USH2A: variants seen among roughly 807,000 people sequenced by gnomAD.
USH2A encodes Usher syndrome 2A (autosomal recessive, mild).
USH2A carries 443 observed loss-of-function variants against 538.9 expected under a neutral mutation model. The ratio of observed to expected loss-of-function variants is 0.82; its 90% CI spans 0.76 to 0.89. The LOEUF (loss-of-function observed/expected upper bound fraction) is 0.89, where lower values mean the gene tolerates loss of function less well. Among genes scored for constraint, USH2A ranks in the 40% least tolerant of loss-of-function variants. The pLI, the probability that USH2A is intolerant of heterozygous loss-of-function variation, is 0.00. For synonymous variants in USH2A, 2,413 were observed against 2,273.5 expected (o/e 1.06, Z -1.75); for missense variants, 6,633 against 6,324.8 (o/e 1.05, Z -1.65).
chr1:215,680,326 A>G lies in USH2A; in HGVS notation c.12117T>C (p.Tyr4039=), dbSNP rs1262047443. 2 of 1,613,938 alleles carry G rather than the reference A, an allele frequency of 1.2e-6. No individual in the cohort carries two copies. Among genetic ancestry groups the G allele is most frequent in the Admixed American group, 1.7e-5 (1 of 59,986 alleles). ...GGTTTGCAGCCACAACACCAATGCGATATGTTGTGAATGGTTCTAACCCGT... is the reference window on the plus strand; with the variant it reads ...GGTTTGCAGCCACAACACCAATGCGGTATGTTGTGAATGGTTCTAACCCGT... ...HLYGLEPFTT[Y]RIGVVAANHA... The change falls in exon 62 of 72, where the codon TAT becomes TAC. Residue 4039 remains tyrosine (Y), a synonymous_variant. Coordinates refer to ENST00000307340, the MANE Select transcript of USH2A (RefSeq NM_206933.4).
chr1:216,264,577 C>T (rs760681523), intron 11 of USH2A, among the ~76,000 whole-genome samples: 1 of 152,110 alleles, frequency 6.6e-6, no homozygotes, highest in African/African-American at 2.4e-5. Context: ...GGATTACAGG[C>T]GTGAGCCACC....
chr1:215,985,362 C>T (rs758380653), intron 35 of USH2A, among the ~76,000 whole-genome samples: 4 of 152,126 alleles, frequency 2.6e-5, no homozygotes, highest in Non-Finnish European at 5.9e-5. Flanking sequence ...AGATTAAATT[C>T]TACATTATAA....
At chr1:215,654,852 T>C (rs1354710594) in intron 64 of USH2A, among the ~76,000 whole-genome samples, 2 of 152,202 alleles carry the variant, frequency 1.3e-5, no homozygotes, top group Non-Finnish European at 2.9e-5. Flanking sequence ...AATGAAATTG[T>C]TCTTTTATTT....
intron 48 of USH2A, among the ~76,000 whole-genome samples, chr1:215,815,217 G>A (rs1662825134): frequency 6.6e-6 from 1 of 151,984 alleles, no homozygotes; most frequent in Non-Finnish European, 1.5e-5. Context: ...CTTTGTTTAA[G>A]GCATCATTAA....
chr1:215,933,007 A>C lies in USH2A; in HGVS notation c.7300+1609T>G, dbSNP rs1666402536. On this transcript the variant is annotated intron_variant, in intron 38 of 71. Transcript: ENST00000307340. ...ATTATTAGACCATACATTCCTAAAA[A>C]CATAAACAATGAATTAAATTTGCCC... 2.0e-5 allele frequency among the ~76,000 whole-genome samples: 3 copies of C among 152,106 alleles called. No individual in the cohort carries two copies. In the South Asian group the frequency reaches 6.2e-4, roughly 31 times the overall value.
intron 32 of USH2A, among the ~76,000 whole-genome samples, chr1:216,027,270 G>A (rs532041629): frequency 2.0e-5 from 3 of 152,124 alleles, no homozygotes; most frequent in Admixed American, 6.5e-5. Flanking sequence ...CAGGGTGTGC[G>A]TGTACAAAGA....
At chr1:216,276,213 A>G (rs1041748486) in intron 11 of USH2A, among the ~76,000 whole-genome samples, 2 of 152,188 alleles carry the variant, frequency 1.3e-5, no homozygotes, top group African/African-American at 4.8e-5. Context: ...ATGAACTACA[A>G]TGCTTGGCAT....
Position 215,966,198 on chromosome 1 carries a change from C to A in USH2A, c.6958-719G>T, listed in dbSNP as rs543894050. 1.6e-4 allele frequency among the ~76,000 whole-genome samples: 24 copies of A among 152,130 alleles called. No homozygotes were observed. In the South Asian group the frequency reaches 3.3e-3, roughly 21 times the overall value. On this transcript the variant is annotated intron_variant, in intron 36 of 71. Transcript: ENST00000307340. ...GAAAGACTCTGAAATAAAATGCAAT[C>A]CCTAGCTGTACCGGGGTCAGGAAGA...
At chr1:216,180,448 T>C (rs2034471676) in intron 20 of USH2A, among the ~76,000 whole-genome samples, 1 of 152,140 alleles carries the variant, frequency 6.6e-6, no homozygotes, top group African/African-American at 2.4e-5. Flanking sequence ...GCATTCTTTA[T>C]GCAGCATTTA....
At chr1:216,192,029 A>G (rs1415985892) in intron 19 of USH2A, among the ~76,000 whole-genome samples, 2 of 152,068 alleles carry the variant, frequency 1.3e-5, no homozygotes, top group African/African-American at 4.8e-5. Flanking sequence ...TGTCTTTATC[A>G]TGTACATAGA....
At chr1:215,725,556 T>A (rs992183793) in intron 61 of USH2A, among the ~76,000 whole-genome samples, 1 of 152,204 alleles carries the variant, frequency 6.6e-6, no homozygotes, top group Non-Finnish European at 1.5e-5. Context: ...CCTTTCTTGG[T>A]GTATCTAATG....
At chr1:216,217,606 T>C (rs896941740) in intron 14 of USH2A, 56 bp from the exon 15 acceptor site, 46 of 1,593,260 alleles carry the variant, frequency 2.9e-5, no homozygotes, top group Middle Eastern at 3.3e-4. Flanking sequence ...TAATAATTCA[T>C]AGTATAAGTT....
chr1:215,962,130 A>G (rs1459447449), intron 37 of USH2A, among the ~76,000 whole-genome samples: 1 of 152,064 alleles, frequency 6.6e-6, no homozygotes, highest in East Asian at 1.9e-4. Context: ...CATTTTTAAC[A>G]TATCGAATTG....
chr1:216,227,542 G>A (rs1318865147), intron 14 of USH2A, among the ~76,000 whole-genome samples: 1 of 152,118 alleles, frequency 6.6e-6, no homozygotes, highest in East Asian at 1.9e-4. Context: ...ATCATGGAAT[G>A]GAGGAACAAG....
chr1:216,078,314 C>A lies in USH2A; in HGVS notation c.5347G>T (p.Ala1783Ser). 6.2e-7 allele frequency: 1 copy of A among 1,613,688 alleles called. No individual in the cohort carries two copies. Among genetic ancestry groups the A allele is most frequent in the Non-Finnish European group, 8.5e-7 (1 of 1,179,688 alleles). The stretch of plus-strand genomic sequence containing the variant: ...AGCAATAGATCCACTTGTGTAAAGG[C>A]AAGACTGGTATTTAACCGGAAGGTC... ...ILTFRLNTSL[A>S]FTQVDLLLGL... is the part of the protein sequence containing the mutation. Residue 1783 changes from alanine to serine, a missense_variant, in exon 27 of 72, where the codon GCC (alanine) becomes TCC (serine). Coordinates refer to ENST00000307340, the MANE Select transcript of USH2A (RefSeq NM_206933.4).
intron 30 of USH2A, among the ~76,000 whole-genome samples, chr1:216,055,973 T>G (rs2030962458): frequency 6.6e-6 from 1 of 152,220 alleles, no homozygotes; most frequent in South Asian, 2.1e-4. Flanking sequence ...AGATGTTGAT[T>G]CTTACAAACA....
intron 44 of USH2A, among the ~76,000 whole-genome samples, chr1:215,853,305 G>A (rs528231221): frequency 6.6e-6 from 1 of 152,176 alleles, no homozygotes; most frequent in South Asian, 2.1e-4. Flanking sequence ...CATGGCTGGA[G>A]CCACTGAGAA....
intron 21 of USH2A, chr1:216,174,228 A>G (rs986648936): frequency 8.6e-5 from 85 of 985,160 alleles, no homozygotes; most frequent in East Asian, 1.1e-4. Flanking sequence ...AATATTTTAA[A>G]GACTAGCTAT....
At chr1:216,372,620 C>G (rs2038734614) in intron 3 of USH2A, among the ~76,000 whole-genome samples, 1 of 152,054 alleles carries the variant, frequency 6.6e-6, no homozygotes, top group Admixed American at 6.6e-5. Context: ...ATGGCCTCTT[C>G]TTCCTACACA....
Sources: gnomAD v4.1 joint callset for allele counts (sites outside exome capture counted in the v4.1 genomes callset) on GRCh38, gnomAD v4.1.1 for gene constraint, MANE v1.5 for transcripts, NCBI Gene and HGNC (gene_info 2026-07-23, HGNC 2026-07-21) for gene names.